PLAAT1: variants seen among roughly 807,000 people sequenced by gnomAD.
The protein encoded by PLAAT1 is H-REV107 protein-related protein.
A neutral mutation model predicts 16.4 loss-of-function variants in PLAAT1; 13 were observed. The ratio of observed to expected loss-of-function variants is 0.79; its 90% CI spans 0.52 to 1.26. The LOEUF is 1.26. PLAAT1 is among the 50% of genes most tolerant of loss of function. The pLI, the probability that PLAAT1 is intolerant of heterozygous loss-of-function variation, is 0.00. For synonymous variants in PLAAT1, 73 were observed against 78.4 expected, an observed-to-expected ratio of 0.93 and a Z score of 0.36; for missense variants, 218 against 207.8, an observed-to-expected ratio of 1.05 and a Z score of -0.30.
chr3:193,249,892 T>C (rs1324779193), intron 1 of PLAAT1, among the ~76,000 whole-genome samples: 1 of 152,028 alleles, frequency 6.6e-6, no homozygotes. Flanking sequence ...AGTTTTTTCA[T>C]GCATTGCTTT....
intron 2 of PLAAT1, among the ~76,000 whole-genome samples, chr3:193,257,243 G>T (rs1206147904): frequency 6.6e-6 from 1 of 152,096 alleles, no homozygotes; most frequent in Non-Finnish European, 1.5e-5. Context: ...CATGTTCATC[G>T]CTGGACTATC....
chr3:193,246,385 GAC>G (rs1715984846), intron 1 of PLAAT1, among the ~76,000 whole-genome samples: 2 of 151,904 alleles, frequency 1.3e-5, no homozygotes, highest in African/African-American at 2.4e-5. Flanking sequence ...TTATTTTTGA[GAC>G]AGAGTCTTAC....
downstream of PLAAT1, among the ~76,000 whole-genome samples, chr3:193,280,130 A>C (rs1717418456): frequency 6.6e-6 from 1 of 151,964 alleles, no homozygotes; most frequent in South Asian, 2.1e-4. Context: ...GGCTCACTGC[A>C]ACCTCCGCCT....
At chr3:193,243,485 A>G (rs962563767) in intron 1 of PLAAT1, among the ~76,000 whole-genome samples, 1 of 152,244 alleles carries the variant, frequency 6.6e-6, no homozygotes, top group Admixed American at 6.5e-5. Flanking sequence ...CTGGTTCTGC[A>G]TATGAATATT....
rs1716652356 is a variant in PLAAT1 at position 193,263,176 on chromosome 3, G to T, written c.346G>T (p.Val116Phe). The T allele has an allele frequency of 3.7e-6, 6 of 1,614,194 alleles. No homozygotes were observed. Among genetic ancestry groups the T allele is most frequent in the Non-Finnish European group, 5.1e-6 (6 of 1,180,022 alleles). The change falls in exon 3 of 4, where the codon GTC (valine) becomes TTC (phenylalanine). Residue 116 changes from valine to phenylalanine, a missense_variant. Transcript: ENST00000264735. ...IGQEVAYNLL[V>F]NNCEHFVTLL... ...ACAGGAGGTGGCCTATAACTTACTT[G>T]TCAACAACTGTGAACATTTTGTGAC...
At chr3:193,256,847 CAA>C (rs1261031155) in intron 2 of PLAAT1, among the ~76,000 whole-genome samples, 1 of 152,078 alleles carries the variant, frequency 6.6e-6, no homozygotes, top group Non-Finnish European at 1.5e-5. Flanking sequence ...TTAAAGTAGA[CAA>C]TGGCATATTT....
intron 3 of PLAAT1, among the ~76,000 whole-genome samples, chr3:193,268,628 T>G (rs1203487733): frequency 6.6e-6 from 1 of 152,218 alleles, no homozygotes; most frequent in Non-Finnish European, 1.5e-5. Flanking sequence ...TTGTCCCAAT[T>G]ACATGAGATT....
intron 2 of PLAAT1, among the ~76,000 whole-genome samples, chr3:193,261,472 A>G (rs1716582541): frequency 6.6e-6 from 1 of 152,178 alleles, no homozygotes; most frequent in Non-Finnish European, 1.5e-5. Context: ...TATCTTGGGA[A>G]CTTCTGAGAC....
At position 193,270,712 on chromosome 3, in the gene PLAAT1, A is replaced by G. The variant is rs1460165053; in HGVS notation, c.*7A>G. On this transcript the variant is annotated 3_prime_UTR_variant, in exon 4 of 4. Transcript: ENST00000264735. ...AAGAGCAAAATACTATTAACAATTT[A>G]CCAAAGAGATATTGATATTGAAGGA... is the stretch of plus-strand genomic sequence containing the variant. 1 of 1,610,552 alleles carries G rather than the reference A, an allele frequency of 6.2e-7. No individual in the cohort carries two copies. Among genetic ancestry groups the G allele is most frequent in the East Asian group, 2.2e-5 (1 of 44,840 alleles).
At chr3:193,279,748 C>A (rs1442652289), downstream of PLAAT1, among the ~76,000 whole-genome samples, 2 of 151,978 alleles carry the variant, frequency 1.3e-5, no homozygotes, top group African/African-American at 4.8e-5. Flanking sequence ...GTTGTGCTTG[C>A]GTGGGATAAA....
At chr3:193,274,528 C>T (rs1577315622), downstream of PLAAT1, among the ~76,000 whole-genome samples, 2 of 152,314 alleles carry the variant, frequency 1.3e-5, no homozygotes, top group South Asian at 4.1e-4. Flanking sequence ...GGTTGAATTT[C>T]CGAAAGGGTT....
At chr3:193,266,920 G>A (rs761419650) in intron 3 of PLAAT1, among the ~76,000 whole-genome samples, 1 of 151,950 alleles carries the variant, frequency 6.6e-6, no homozygotes, top group African/African-American at 2.4e-5. Context: ...GCTTAGAAAT[G>A]TTTTCTTGGG....
chr3:193,269,232 A>G (rs1716888697), intron 3 of PLAAT1, among the ~76,000 whole-genome samples: 1 of 152,148 alleles, frequency 6.6e-6, no homozygotes, highest in African/African-American at 2.4e-5. Flanking sequence ...ATATAAATAA[A>G]ATAGATAAGA....
At chr3:193,267,363 T>A (rs996461606) in intron 3 of PLAAT1, among the ~76,000 whole-genome samples, 3 of 151,216 alleles carry the variant, frequency 2.0e-5, no homozygotes, top group African/African-American at 7.3e-5. Flanking sequence ...CTATTCATCC[T>A]TCCTTCCCTG....
chr3:193,240,844 A>C (rs1715692415), upstream of PLAAT1, among the ~76,000 whole-genome samples: 1 of 152,056 alleles, frequency 6.6e-6, no homozygotes, highest in African/African-American at 2.4e-5. Flanking sequence ...CTTGGGCCCT[A>C]AGGGAATTTT....
downstream of PLAAT1, among the ~76,000 whole-genome samples, chr3:193,274,297 C>T (rs1207091722): frequency 6.6e-6 from 1 of 152,156 alleles, no homozygotes; most frequent in African/African-American, 2.4e-5. Context: ...TGTTGCTATG[C>T]TTCTTTAAGT....
At chr3:193,260,797 A>G (rs904467983) in intron 2 of PLAAT1, among the ~76,000 whole-genome samples, 7 of 152,216 alleles carry the variant, frequency 4.6e-5, no homozygotes, top group South Asian at 4.1e-4. Flanking sequence ...GAGATTTATC[A>G]AAGAGCTTAA....
Position 193,255,732 on chromosome 3 carries a change from T to C in PLAAT1, c.82T>C (p.Tyr28His), listed in dbSNP as rs759518635. The C allele has an allele frequency of 2.5e-6, 4 of 1,613,386 alleles. No homozygotes were observed. In the South Asian group the frequency reaches 3.3e-5, roughly 13 times the overall value. Residue 28 changes from tyrosine (Y) to histidine (H), a missense_variant, in exon 2 of 4, where the codon TAT becomes CAT. Tyr to His is a moderately conservative substitution (Grantham distance 83). Transcript: ENST00000264735. ...GDLIEVFRPG[Y>H]QHWALYLGDG... ...CTTGATCGAAGTGTTCCGTCCTGGC[T>C]ATCAGCACTGGGCCCTGTACTTGGG...
At chr3:193,274,166 C>T (rs1717078901), downstream of PLAAT1, among the ~76,000 whole-genome samples, 1 of 152,098 alleles carries the variant, frequency 6.6e-6, no homozygotes, top group African/African-American at 2.4e-5. Context: ...TTGCTTGAAT[C>T]TGGGAGGCGG....
Sources: allele counts gnomAD v4.1 joint callset (sites outside exome capture counted in the v4.1 genomes callset), GRCh38; gene constraint gnomAD v4.1.1; transcripts MANE v1.5; gene names NCBI Gene and HGNC (gene_info 2026-07-23, HGNC 2026-07-21).